Variants in TRIM2 observed in about 807,000 individuals in gnomAD.
TRIM2 encodes tripartite motif-containing protein 2.
Under a neutral mutation model 75.2 loss-of-function variants are expected in TRIM2, and 20 were observed. That is an observed-to-expected ratio of 0.27 (90% CI 0.19 to 0.39). The LOEUF (loss-of-function observed/expected upper bound fraction) is 0.39. Among genes scored for constraint, TRIM2 ranks in the 10% least tolerant of loss-of-function variants. The pLI is 1.00. For synonymous variants in TRIM2, 373 were observed against 388.3 expected, an observed-to-expected ratio of 0.96 and a Z score of 0.46; for missense variants, 660 against 990.8, an observed-to-expected ratio of 0.67 and a Z score of 4.48.
At position 153,338,683 on chromosome 4, in the gene TRIM2, A is replaced by G; in HGVS notation, c.*3717A>G. On this transcript the variant is annotated 3_prime_UTR_variant, in exon 12 of 12. Transcript: ENST00000338700. ...AAATCATGATGCTTAAAAACTTTCT[A>G]AAGATGAATTGTGTGGCAGTGATTG... 1.0e-6 allele frequency: 1 copy of G among 985,830 alleles called. No homozygotes were observed. The highest frequency in any genetic ancestry group is 4.7e-5 in the South Asian group (1 of 21,284). 61.1% of individuals were successfully genotyped at this position (985,830 alleles called of 1,614,324 possible). A position where few individuals can be genotyped will look rare whatever the true frequency, so the allele number is the denominator to read the frequency against.
intron 1 of TRIM2, among the ~76,000 whole-genome samples, chr4:153,205,137 A>G (rs1735039794): frequency 6.6e-6 from 1 of 152,170 alleles, no homozygotes; most frequent in African/African-American, 2.4e-5. Flanking sequence ...CTGCCGTGCG[A>G]CTGTGGAATG....
intron 10 of TRIM2, among the ~76,000 whole-genome samples, chr4:153,327,282 G>A (rs910572566): frequency 1.1e-4 from 16 of 152,098 alleles, no homozygotes; most frequent in East Asian, 1.9e-4. Flanking sequence ...CTTTTTTATC[G>A]TAATGTGAGT....
chr4:153,292,274 G>C (rs1038086937), intron 3 of TRIM2, among the ~76,000 whole-genome samples: 1 of 152,124 alleles, frequency 6.6e-6, no homozygotes, highest in African/African-American at 2.4e-5. Context: ...AGACGCTGCA[G>C]ATATTTACAA....
intron 9 of TRIM2, 75 bp downstream of exon 9, chr4:153,322,891 T>G: frequency 6.4e-7 from 1 of 1,563,446 alleles, no homozygotes; most frequent in Non-Finnish European, 8.7e-7. Context: ...TTGGAGCATG[T>G]TGAAGACACC....
At chr4:153,285,549 C>CT (rs1344897078) in intron 3 of TRIM2, among the ~76,000 whole-genome samples, 5 of 152,102 alleles carry the variant, frequency 3.3e-5, no homozygotes, top group Middle Eastern at 3.2e-3. Context: ...CCAGCCTGGT[C>CT]TTGGGGCAAG....
chr4:153,243,807 CTTTTTTTTTT>C (rs34997724), intron 1 of TRIM2, among the ~76,000 whole-genome samples: 1 of 117,514 alleles, frequency 8.5e-6, no homozygotes, highest in African/African-American at 3.6e-5. Context: ...CCTCCCCCTC[CTTTTTTTTTT>C]TCCCCCCCCC....
At chr4:153,231,787 T>TGTCCAAATTCCCCCTTTTTGTAAG (rs1743705385) in intron 1 of TRIM2, among the ~76,000 whole-genome samples, 1 of 152,174 alleles carries the variant, frequency 6.6e-6, no homozygotes, top group Non-Finnish European at 1.5e-5. Flanking sequence ...CCTGTCTCTG[T>TGTCCAAATTCCCCCTTTTTGTAAG]GTCCAAATTC....
At chr4:153,183,164 T>A (rs189545376) in intron 1 of TRIM2, among the ~76,000 whole-genome samples, 1 of 152,352 alleles carries the variant, frequency 6.6e-6, no homozygotes, top group Non-Finnish European at 1.5e-5. Flanking sequence ...AGGCCTCTCA[T>A]GTCTTGCCAG....
At chr4:153,262,009 G>A (rs1753699986) in intron 1 of TRIM2, among the ~76,000 whole-genome samples, 1 of 152,194 alleles carries the variant, frequency 6.6e-6, no homozygotes, top group Admixed American at 6.5e-5. Context: ...TTTGTTATGT[G>A]ATCATTGAAT....
intron 6 of TRIM2, chr4:153,307,991 G>A (rs771086030): frequency 7.4e-5 from 56 of 760,544 alleles, no homozygotes; most frequent in Non-Finnish European, 1.1e-4. Flanking sequence ...ACTGGACCAG[G>A]TTCAGGAAAG....
At chr4:153,284,210 G>GTT (rs200802089) in intron 3 of TRIM2, among the ~76,000 whole-genome samples, 1 of 141,854 alleles carries the variant, frequency 7.0e-6, no homozygotes, top group Admixed American at 7.1e-5. Flanking sequence ...TTGTTTTTTG[G>GTT]TTTTTTTTTA....
intron 1 of TRIM2, among the ~76,000 whole-genome samples, chr4:153,223,272 C>A (rs1741189740): frequency 2.0e-5 from 3 of 152,190 alleles, no homozygotes. Flanking sequence ...GCGGAGCTCT[C>A]CCGGGAGTCG....
intron 1 of TRIM2, among the ~76,000 whole-genome samples, chr4:153,235,582 C>T (rs956097830): frequency 2.3e-4 from 35 of 152,050 alleles, no homozygotes; most frequent in African/African-American, 7.5e-4. Context: ...CATGGTGCCC[C>T]GCCAAGTTAA....
intron 6 of TRIM2, chr4:153,307,756 C>A (rs115448263): frequency 4.5e-6 from 3 of 670,010 alleles, no homozygotes; most frequent in Non-Finnish European, 8.5e-6. Context: ...CGTGCTGTGT[C>A]GGACTTCAGC....
At chr4:153,157,644 C>A (rs556578278) in intron 1 of TRIM2, among the ~76,000 whole-genome samples, 1 of 152,300 alleles carries the variant, frequency 6.6e-6, no homozygotes, top group South Asian at 2.1e-4. Flanking sequence ...GTGGTTGATT[C>A]TTTTCCTGGA....
At chr4:153,265,606 G>T (rs1016806095) in intron 1 of TRIM2, 1 of 152,122 alleles carries the variant, frequency 6.6e-6, no homozygotes, top group African/African-American at 2.4e-5. Flanking sequence ...GCCTCCCAAA[G>T]TCCTGGGATT....
upstream of TRIM2, among the ~76,000 whole-genome samples, chr4:153,203,923 T>G (rs1049310349): frequency 2.7e-5 from 4 of 146,284 alleles, no homozygotes; most frequent in African/African-American, 1.0e-4. Flanking sequence ...ATAAATAAAA[T>G]AAAGATGTGC....
At chr4:153,186,659 C>T (rs1240669114) in intron 1 of TRIM2, among the ~76,000 whole-genome samples, 1 of 152,160 alleles carries the variant, frequency 6.6e-6, no homozygotes, top group Admixed American at 6.5e-5. Flanking sequence ...AAGTCTTGTC[C>T]CCACTGCCAA....
At chr4:153,243,223 G>T (rs183116030) in intron 1 of TRIM2, among the ~76,000 whole-genome samples, 4 of 152,214 alleles carry the variant, frequency 2.6e-5, no homozygotes, top group Non-Finnish European at 5.9e-5. Context: ...TATCAGTACC[G>T]CCAAACTGAA....
Sources: gnomAD v4.1 joint callset for allele counts (sites outside exome capture counted in the v4.1 genomes callset) on GRCh38, gnomAD v4.1.1 for gene constraint, MANE v1.5 for transcripts, NCBI Gene and HGNC (gene_info 2026-07-23, HGNC 2026-07-21) for gene names.